Variants in COL11A1 observed in about 807,000 individuals in gnomAD.
The protein encoded by COL11A1 is collagen alpha-1(XI) chain.
A neutral mutation model predicts 265.2 loss-of-function variants in COL11A1; 74 were observed. The ratio of observed to expected loss-of-function variants is 0.28; its 90% confidence interval spans 0.23 to 0.34. COL11A1 has a LOEUF of 0.34. Ranked by LOEUF, COL11A1 falls within the 10% of genes least tolerant of loss-of-function variation. COL11A1 has a pLI of 1.00. For missense variants in COL11A1, 2,165 were observed against 2,263.6 expected, an observed-to-expected ratio of 0.96 and a Z score of 0.88; for synonymous variants, 816 against 727.6, an observed-to-expected ratio of 1.12 and a Z score of -1.96.
At position 102,967,060 on chromosome 1, in the gene COL11A1, G is replaced by C. The variant is rs150722815; in HGVS notation, c.2863-1520C>G. On this transcript the variant is annotated intron_variant, in intron 37 of 66. Coordinates refer to ENST00000370096, the MANE Select transcript of COL11A1 (RefSeq NM_001854.4). ...CAGTTATTTTATCTGAATGTGTCAC[G>C]TGAGAAGGTCCCTCAAATACAGCTT... is the stretch of plus-strand genomic sequence containing the variant. Among the ~76,000 whole-genome samples the C allele has an allele frequency of 1.6e-3, 248 of 151,870 alleles. 1 individual carries two copies. Among genetic ancestry groups the C allele is most frequent in the Middle Eastern group, 0.01 (3 of 294 alleles).
intron 41 of COL11A1, among the ~76,000 whole-genome samples, chr1:102,954,083 T>C (rs1044194053): frequency 2.5e-4 from 38 of 152,220 alleles, no homozygotes; most frequent in African/African-American, 8.9e-4. Flanking sequence ...ACATGCCATT[T>C]TTCTCTTGTT....
intron 36 of COL11A1, among the ~76,000 whole-genome samples, chr1:102,972,665 C>T (rs983558742): frequency 8.5e-5 from 13 of 152,094 alleles, no homozygotes; most frequent in Admixed American, 3.9e-4. Flanking sequence ...TCCCAGGCTT[C>T]CCCTTTGATC....
At chr1:103,002,098 C>A in intron 23 of COL11A1, 129 bp from the exon 24 acceptor site, 1 of 821,526 alleles carries the variant, frequency 1.2e-6, no homozygotes, top group Non-Finnish European at 2.0e-6. Context: ...CCATACACCC[C>A]AAGGAATTTT....
intron 4 of COL11A1, among the ~76,000 whole-genome samples, chr1:103,031,572 A>T (rs996961928): frequency 1.3e-5 from 2 of 152,136 alleles, no homozygotes; most frequent in African/African-American, 2.4e-5. Context: ...GCAAAAGGCT[A>T]ATTTTAAAAG....
intron 4 of COL11A1, among the ~76,000 whole-genome samples, chr1:103,061,548 C>T (rs554685090): frequency 6.6e-6 from 1 of 152,088 alleles, no homozygotes; most frequent in East Asian, 1.9e-4. Context: ...CCAATAACTG[C>T]TCTCAAACCG....
intron 31 of COL11A1, 81 bp from the exon 32 acceptor site, chr1:102,979,516 G>T: frequency 2.1e-6 from 2 of 939,892 alleles, no homozygotes; most frequent in Non-Finnish European, 3.5e-6. Context: ...TTGGAACAGA[G>T]TGATTTTCAC....
At chr1:102,962,325 A>G (rs1300389999) in intron 39 of COL11A1, 60 bp from the exon 40 acceptor site, 5 of 1,284,608 alleles carry the variant, frequency 3.9e-6, no homozygotes, top group Non-Finnish European at 5.7e-6. Context: ...TTCTACAAAC[A>G]AAATTGTGAT....
intron 2 of COL11A1, among the ~76,000 whole-genome samples, chr1:103,081,446 A>C (rs1248960879): frequency 1.3e-5 from 2 of 151,804 alleles, no homozygotes; most frequent in Non-Finnish European, 2.9e-5. Context: ...TCTATTTTTA[A>C]AATGTTTTAT....
chr1:102,945,624 A>T (rs1318878017), intron 42 of COL11A1, among the ~76,000 whole-genome samples: 1 of 152,200 alleles, frequency 6.6e-6, no homozygotes, highest in Non-Finnish European at 1.5e-5. Flanking sequence ...AAAAATATTC[A>T]ACTTATATTT....
At chr1:102,921,670 G>T (rs1398905230) in intron 47 of COL11A1, 99 bp from the exon 48 acceptor site, 1 of 1,025,592 alleles carries the variant, frequency 9.8e-7, no homozygotes, top group East Asian at 2.4e-5. Context: ...GTTTAAGCTT[G>T]TAAAAACTAT....
rs190439148 is a variant in COL11A1, at chr1:103,077,792, A to G, written c.488+866T>C. On this transcript the variant is annotated intron_variant, in intron 3 of 66. Transcript: ENST00000370096. ...TTCAGAATTCGACATGATTTGCAAA[A>G]GAGCGCAGTGCAAGCCTGACTTCCT... Among the ~76,000 whole-genome samples, 394 of 152,232 alleles carry G rather than the reference A, an allele frequency of 2.6e-3. 5 individuals carry two copies. The highest frequency in any genetic ancestry group is 9.1e-3 in the African/African-American group (378 of 41,568).
chr1:102,997,270 G>A (rs1458755917), intron 25 of COL11A1, 146 bp from the exon 26 acceptor site: 3 of 739,514 alleles, frequency 4.1e-6, no homozygotes, highest in East Asian at 5.1e-5. Context: ...CAGTGTGTAT[G>A]GCTTTAAATA....
At chr1:103,090,812 C>T (rs1673258204) in intron 1 of COL11A1, among the ~76,000 whole-genome samples, 1 of 152,100 alleles carries the variant, frequency 6.6e-6, no homozygotes. Context: ...TAAATTGATT[C>T]CTGTTATCTG....
chr1:103,000,696 G>A (rs1665023381), intron 24 of COL11A1, among the ~76,000 whole-genome samples: 1 of 151,838 alleles, frequency 6.6e-6, no homozygotes, highest in Admixed American at 6.6e-5. Context: ...GAAAAGAGTG[G>A]AATTCACAAA....
At position 103,002,501 on chromosome 1, in the gene COL11A1, A is replaced by C. The variant is rs373832939; in HGVS notation, c.2044-20T>G. 6.3e-7 allele frequency: 1 copy of C among 1,592,620 alleles called. No individual in the cohort carries two copies. Among genetic ancestry groups the C allele is most frequent in the African/African-American group, 1.3e-5 (1 of 74,600 alleles). On this transcript the variant is annotated intron_variant, in intron 22 of 66. Transcript: ENST00000370096. ...GGGACCCTGCCAGAGGAAAATATAA[A>C]AAGTTTTTAATGGGCTATATTACAC...
rs181855937 is a variant in COL11A1 at position 103,095,567 on chromosome 1, T to C, written c.106+12506A>G. Among the ~76,000 whole-genome samples, 361 of 152,060 alleles carry C rather than the reference T, an allele frequency of 2.4e-3. 2 individuals carry two copies. The highest frequency in any genetic ancestry group is 8.4e-3 in the African/African-American group (350 of 41,500). On this transcript the variant is annotated intron_variant, in intron 1 of 66. Transcript: ENST00000370096. ...AATAAGTGCAAAGAACCCGAGACAATAGTTGGCCCAGAATGTTGAAAGAAA... is the reference window on the plus strand; with the variant it reads ...AATAAGTGCAAAGAACCCGAGACAACAGTTGGCCCAGAATGTTGAAAGAAA...
intron 42 of COL11A1, among the ~76,000 whole-genome samples, chr1:102,944,856 T>C (rs1659091340): frequency 6.6e-6 from 1 of 152,272 alleles, no homozygotes; most frequent in South Asian, 2.1e-4. Flanking sequence ...AAATATGTGT[T>C]CCCTATATTT....
At chr1:102,998,809 G>C (rs1664863915) in intron 24 of COL11A1, among the ~76,000 whole-genome samples, 1 of 151,732 alleles carries the variant, frequency 6.6e-6, no homozygotes, top group Non-Finnish European at 1.5e-5. Flanking sequence ...AAAATATTTT[G>C]TGCAATGTTA....
chr1:102,907,425 A>G (rs1051686274), intron 54 of COL11A1, among the ~76,000 whole-genome samples: 1 of 152,102 alleles, frequency 6.6e-6, no homozygotes, highest in Non-Finnish European at 1.5e-5. Flanking sequence ...TAGGCTTTCA[A>G]CCTAAATGCA....
Sources: allele counts gnomAD v4.1 joint callset (sites outside exome capture counted in the v4.1 genomes callset), GRCh38; gene constraint gnomAD v4.1.1; transcripts MANE v1.5; gene names NCBI Gene and HGNC (gene_info 2026-07-23, HGNC 2026-07-21).